The following ATG10 variants were observed in gnomAD, a reference collection of about 807,000 sequenced individuals.
ATG10 encodes autophagy related 10, also known as ubiquitin-like-conjugating enzyme ATG10.
ATG10 carries 30 observed loss-of-function variants against 32.1 expected under a neutral mutation model. The observed-to-expected ratio is 0.94, with a 90% CI of 0.70 to 1.27. ATG10 has a LOEUF of 1.27. ATG10 is among the 50% of genes most tolerant of loss of function. ATG10 has a pLI of 0.00. For synonymous variants in ATG10, 87 were observed against 91.5 expected (o/e 0.95, Z 0.28); for missense variants, 233 against 262.3 (o/e 0.89, Z 0.77).
chr5:82,043,680 TGC>T (rs1173927386), intron 2 of ATG10, among the ~76,000 whole-genome samples: 2 of 152,236 alleles, frequency 1.3e-5, no homozygotes, highest in African/African-American at 4.8e-5. Flanking sequence ...AATACTTTGC[TGC>T]TTAGAAACTT....
intron 3 of ATG10, among the ~76,000 whole-genome samples, chr5:82,127,439 T>C (rs1314470454): frequency 6.6e-6 from 1 of 152,168 alleles, no homozygotes; most frequent in Non-Finnish European, 1.5e-5. Context: ...AATTTTCCTC[T>C]AAGCACTGCT....
intron 5 of ATG10, among the ~76,000 whole-genome samples, chr5:82,218,692 C>T (rs72778512): frequency 6.6e-6 from 1 of 152,008 alleles, no homozygotes; most frequent in Non-Finnish European, 1.5e-5. Context: ...GGAGTGCTAA[C>T]ACCAAAATCG....
chr5:81,982,765 CTT>C (rs1761093378), intron 1 of ATG10, among the ~76,000 whole-genome samples: 2 of 152,258 alleles, frequency 1.3e-5, no homozygotes, highest in South Asian at 4.1e-4. Flanking sequence ...GGTGATGACT[CTT>C]AATGAGCATG....
chr5:82,033,950 ATG>A (rs952371462), intron 2 of ATG10, among the ~76,000 whole-genome samples: 2 of 147,550 alleles, frequency 1.4e-5, no homozygotes, highest in African/African-American at 4.9e-5. Context: ...TACTATGTAT[ATG>A]TATATATACA....
intron 2 of ATG10, among the ~76,000 whole-genome samples, chr5:81,989,945 C>T (rs76459999): frequency 0.063 from 9,551 of 152,150 alleles, 381 homozygotes; most frequent in Non-Finnish European, 0.09. Context: ...GTTGAAACAA[C>T]TGTAATTTTG....
intron 3 of ATG10, among the ~76,000 whole-genome samples, chr5:82,101,307 G>A (rs1335347569): frequency 6.6e-6 from 1 of 152,070 alleles, no homozygotes; most frequent in Non-Finnish European, 1.5e-5. Flanking sequence ...TCAGACTCTT[G>A]CAATCACATC....
chr5:81,978,355 C>T (rs1016001167), intron 1 of ATG10, among the ~76,000 whole-genome samples: 1 of 152,202 alleles, frequency 6.6e-6, no homozygotes, highest in African/African-American at 2.4e-5. Flanking sequence ...CAGGCATGAG[C>T]CACTGCTCCT....
At chr5:82,184,343 T>G (rs1353147190) in intron 5 of ATG10, among the ~76,000 whole-genome samples, 1 of 152,198 alleles carries the variant, frequency 6.6e-6, no homozygotes, top group African/African-American at 2.4e-5. Flanking sequence ...ATTATGTAAT[T>G]ATTGTAATCA....
chr5:81,982,089 G>C (rs1257851917), intron 1 of ATG10, among the ~76,000 whole-genome samples: 1 of 152,288 alleles, frequency 6.6e-6, no homozygotes, highest in South Asian at 2.1e-4. Flanking sequence ...GGTTTTGATT[G>C]AATGTCACAA....
chr5:82,093,635 A>G (rs924342191), intron 3 of ATG10, among the ~76,000 whole-genome samples: 4 of 152,134 alleles, frequency 2.6e-5, no homozygotes, highest in Admixed American at 2.6e-4. Context: ...TATCTTCATT[A>G]TAGCTCATAT....
At chr5:82,026,302 G>A (rs948098431) in intron 2 of ATG10, among the ~76,000 whole-genome samples, 2 of 152,080 alleles carry the variant, frequency 1.3e-5, no homozygotes, top group Non-Finnish European at 2.9e-5. Flanking sequence ...ATGTTGCAGC[G>A]TGTATCAGAA....
In ATG10 at chr5:82,223,472, C is replaced by T. The variant is rs557837560; in HGVS notation, c.454-29090C>T. Among the ~76,000 whole-genome samples, 11 of 152,194 alleles carry T rather than the reference C, an allele frequency of 7.2e-5. 1 individual carries two copies. Among genetic ancestry groups the T allele is most frequent in the South Asian group, 6.2e-4 (3 of 4,818 alleles). ...AAGACTCTCCTAAATGTCTATAGATCGCCCTTGAAAGTTAGAGATAAGTTT... is the reference window on the plus strand; with the variant it reads ...AAGACTCTCCTAAATGTCTATAGATTGCCCTTGAAAGTTAGAGATAAGTTT... On this transcript the variant is annotated intron_variant, in intron 5 of 7. Coordinates refer to ENST00000282185, the MANE Select transcript of ATG10 (RefSeq NM_031482.5).
intron 2 of ATG10, among the ~76,000 whole-genome samples, chr5:82,027,087 TAAA>T (rs1762615394): frequency 6.7e-6 from 1 of 150,298 alleles, no homozygotes; most frequent in African/African-American, 2.5e-5. Context: ...AATAAATAAA[TAAA>T]TAAATAAATA....
At chr5:82,083,027 C>T (rs1035984045) in intron 3 of ATG10, among the ~76,000 whole-genome samples, 50 of 152,282 alleles carry the variant, frequency 3.3e-4, no homozygotes, top group African/African-American at 9.9e-4. Flanking sequence ...TGGAGCAGGG[C>T]GAGGCATCGC....
At chr5:82,077,618 C>G (rs909067308) in intron 3 of ATG10, among the ~76,000 whole-genome samples, 2 of 151,580 alleles carry the variant, frequency 1.3e-5, no homozygotes, top group African/African-American at 4.9e-5. Flanking sequence ...ATATGAAGCT[C>G]AGCTAGTAAA....
intron 3 of ATG10, among the ~76,000 whole-genome samples, chr5:82,148,766 G>A (rs1767465029): frequency 6.6e-6 from 1 of 152,076 alleles, no homozygotes; most frequent in South Asian, 2.1e-4. Context: ...TGCCTCTTCA[G>A]ATTATCTTTC....
chr5:82,215,492 G>A (rs1745641635), intron 5 of ATG10, among the ~76,000 whole-genome samples: 1 of 152,064 alleles, frequency 6.6e-6, no homozygotes. Context: ...TTTTTCAATG[G>A]TGATATTCTC....
At position 81,988,181 on chromosome 5, in the gene ATG10, C is replaced by T. The variant is rs141728010; in HGVS notation, c.108+503C>T. Among the ~76,000 whole-genome samples the T allele has an allele frequency of 7.2e-3, 1,103 of 152,284 alleles. 12 individuals are homozygous for T. Among genetic ancestry groups the T allele is most frequent in the African/African-American group, 0.023 (974 of 41,552 alleles). Reference sequence around the variant, plus strand: ...TGAGATCATCTCACTCTGTCCCCCACGCTGGAGTGCAGTGGCATGATCTTG... The same window carrying T: ...TGAGATCATCTCACTCTGTCCCCCATGCTGGAGTGCAGTGGCATGATCTTG... On this transcript the variant is annotated intron_variant, in intron 2 of 7. Transcript: ENST00000282185.
chr5:82,197,372 A>G (rs1744894412), intron 5 of ATG10, among the ~76,000 whole-genome samples: 1 of 152,162 alleles, frequency 6.6e-6, no homozygotes, highest in Admixed American at 6.5e-5. Context: ...AATACAGGTA[A>G]TAGCATGTTG....
Sources: gnomAD v4.1 joint callset for allele counts (sites outside exome capture counted in the v4.1 genomes callset) on GRCh38, gnomAD v4.1.1 for gene constraint, MANE v1.5 for transcripts, NCBI Gene and HGNC (gene_info 2026-07-23, HGNC 2026-07-21) for gene names.